The following CHRNA4 variants were observed in gnomAD, a reference collection of about 807,000 sequenced individuals.
CHRNA4 encodes neuronal acetylcholine receptor subunit alpha-4.
Under a neutral mutation model 48.9 loss-of-function variants are expected in CHRNA4, and 28 were observed. The observed-to-expected ratio is 0.57, with a 90% CI of 0.42 to 0.79. The LOEUF is 0.79. Among genes scored for constraint, CHRNA4 ranks in the 30% least tolerant of loss-of-function variants. The probability of loss-of-function intolerance (pLI) is 0.00; values close to 1 mark genes in which losing one functional copy is unlikely to be tolerated. For missense variants in CHRNA4, 859 were observed against 898.4 expected, an observed-to-expected ratio of 0.96 and a Z score of 0.56; for synonymous variants, 425 against 402.3, an observed-to-expected ratio of 1.06 and a Z score of -0.68.
At chr20:63,358,232 C>T (rs2068748948) in intron 2 of CHRNA4, among the ~76,000 whole-genome samples, 1 of 152,190 alleles carries the variant, frequency 6.6e-6, no homozygotes, top group Non-Finnish European at 1.5e-5. Flanking sequence ...CATGCGCTGC[C>T]CTGCATGGGC....
chr20:63,350,537 T>A lies in CHRNA4; in HGVS notation c.874A>T (p.Ile292Phe). The A allele has an allele frequency of 6.2e-7, 1 of 1,613,498 alleles. No homozygotes were observed. Among genetic ancestry groups the A allele is most frequent in the Non-Finnish European group, 8.5e-7 (1 of 1,179,882 alleles). Residue 292 changes from isoleucine to phenylalanine, a missense_variant, in exon 5 of 6, where the codon ATC becomes TTC. Physicochemically the swap from Ile to Phe is conservative, Grantham distance 21. This residue lies in a region of CHRNA4 where 39 missense variants were observed against 77.7 expected (regional missense o/e 0.50). Coordinates refer to ENST00000370263, the MANE Select transcript of CHRNA4 (RefSeq NM_000744.7). ...LLSLTVFLLL[I>F]TEIIPSTSLV... ...GAGGTGGACGGGATGATCTCGGTGATGAGCAGCAGGAAGACGGTGAGCGAC... is the reference window on the plus strand; with the variant it reads ...GAGGTGGACGGGATGATCTCGGTGAAGAGCAGCAGGAAGACGGTGAGCGAC...
At chr20:63,348,942 G>C (rs991879764) in intron 5 of CHRNA4, among the ~76,000 whole-genome samples, 1 of 152,368 alleles carries the variant, frequency 6.6e-6, no homozygotes, top group African/African-American at 2.4e-5. Context: ...GGACATGGCT[G>C]CCACTTAGCA....
rs865960119 is a variant in CHRNA4, at chr20:63,343,229, C to A, written c.*3509G>T. ...ATGCAAAGCACGGCACACGTGGTGA[C>A]GGTGCGTTTTATTCATTGAAGTCTG... On this transcript the variant is annotated 3_prime_UTR_variant, in exon 6 of 6. Transcript: ENST00000370263. 2.6e-6 allele frequency: 1 copy of A among 388,492 alleles called. No individual in the cohort carries two copies. Among genetic ancestry groups the A allele is most frequent in the Non-Finnish European group, 5.2e-6 (1 of 191,790 alleles). 24.1% of individuals were successfully genotyped at this position (388,492 alleles called of 1,614,324 possible). A position where few individuals can be genotyped will look rare whatever the true frequency, so the allele number is the denominator to read the frequency against.
rs200012498 is a variant in CHRNA4, at chr20:63,346,383, C to G, written c.*355G>C. 6.7e-5 allele frequency: 33 copies of G among 492,422 alleles called. No homozygotes were observed. The highest frequency in any genetic ancestry group is 7.9e-6 in the Non-Finnish European group (2 of 252,280). 30.5% of individuals were successfully genotyped at this position (492,422 alleles called of 1,614,324 possible). A position where few individuals can be genotyped will look rare whatever the true frequency, so the allele number is the denominator to read the frequency against. On this transcript the variant is annotated 3_prime_UTR_variant, in exon 6 of 6. Transcript: ENST00000370263. ...GGCCCCTTGGGGCGGTCGGGACCATCACCAGATCTGCTGAGAGACTGGGAG... is the reference window on the plus strand; with the variant it reads ...GGCCCCTTGGGGCGGTCGGGACCATGACCAGATCTGCTGAGAGACTGGGAG...
chr20:63,348,488 G>A (rs964642856), intron 5 of CHRNA4, among the ~76,000 whole-genome samples: 11 of 152,216 alleles, frequency 7.2e-5, no homozygotes, highest in Non-Finnish European at 1.2e-4. Flanking sequence ...CGGGCCCCTC[G>A]CTTTGGGGCT....
intron 5 of CHRNA4, among the ~76,000 whole-genome samples, chr20:63,348,484 C>T (rs1177435709): frequency 1.3e-5 from 2 of 152,244 alleles, no homozygotes; most frequent in Non-Finnish European, 2.9e-5. Context: ...AGCACGGGCC[C>T]CTCGCTTTGG....
Position 63,345,095 on chromosome 20 carries a change from G to A in CHRNA4, c.*1643C>T, listed in dbSNP as rs1038992333. The A allele has an allele frequency of 1.3e-5, 6 of 453,936 alleles. No individual in the cohort carries two copies. Among genetic ancestry groups the A allele is most frequent in the African/African-American group, 4.0e-5 (2 of 49,994 alleles). 28.1% of individuals were successfully genotyped at this position (453,936 alleles called of 1,614,324 possible). A position where few individuals can be genotyped will look rare whatever the true frequency, so the allele number is the denominator to read the frequency against. On this transcript the variant is annotated 3_prime_UTR_variant, in exon 6 of 6. Coordinates refer to ENST00000370263, the MANE Select transcript of CHRNA4 (RefSeq NM_000744.7). This position sits in a 1 kb window ranked among gnomAD's most constrained non-coding sequence, Gnocchi z 5.4. ...CCTCCCCACTCACGTCACTGCCCGC[G>A]GGGACACAGCGGCATTTCTGGGGCA... is the stretch of plus-strand genomic sequence containing the variant.
At chr20:63,359,905 G>GTGTGTGCCGGGCGTGCGC (rs2068785596) in intron 1 of CHRNA4, 28 of 341,242 alleles carry the variant, frequency 8.2e-5, no homozygotes, top group East Asian at 2.3e-4. Flanking sequence ...TGCTGTGTGT[G>GTGTGTGCCGGGCGTGCGC]TGTGTGTGTG....
At chr20:63,347,046 G>C (rs914220324) in intron 5 of CHRNA4, 183 bp from the exon 6 acceptor site, 1 of 820,072 alleles carries the variant, frequency 1.2e-6, no homozygotes, top group East Asian at 2.7e-5. Context: ...GCACGGGACA[G>C]CCAGTGCTCT....
chr20:63,344,721 C>T lies in CHRNA4; in HGVS notation c.*2017G>A, dbSNP rs147438386. 28 of 454,134 alleles carry T rather than the reference C, an allele frequency of 6.2e-5. No homozygotes were observed. The highest frequency in any genetic ancestry group is 1.1e-4 in the Non-Finnish European group (24 of 226,798). The allele number at this position is 454,134 out of a possible 1,614,324, so 28.1% of individuals were successfully genotyped here. ...TCGGGCTTCTTACATCTGAAATCTGCGTCTCTATCCCTCCTCTGAGACCAG... is the reference window on the plus strand; with the variant it reads ...TCGGGCTTCTTACATCTGAAATCTGTGTCTCTATCCCTCCTCTGAGACCAG... On this transcript the variant is annotated 3_prime_UTR_variant, in exon 6 of 6. Transcript: ENST00000370263. This position sits in a 1 kb window ranked among gnomAD's most constrained non-coding sequence, Gnocchi z 4.5.
chr20:63,350,227 G>C lies in CHRNA4; in HGVS notation c.1184C>G (p.Thr395Arg). 1 of 1,608,048 alleles carries C rather than the reference G, an allele frequency of 6.2e-7. No homozygotes were observed. Among genetic ancestry groups the C allele is most frequent in the Non-Finnish European group, 8.5e-7 (1 of 1,177,554 alleles). Residue 395 changes from threonine (T) to arginine (R), a missense_variant, in exon 5 of 6, where the codon ACG (threonine) becomes AGG (arginine). By Grantham distance (71) the Thr-to-Arg change is moderately conservative. Coordinates refer to ENST00000370263, the MANE Select transcript of CHRNA4 (RefSeq NM_000744.7). ...WPEPEGEPPA[T>R]SGTQSLHPPS... ...CGGGTGCAGGCTCTGGGTGCCGCTCGTGGCAGGGGGCTCCCCTTCTGGCTC... is the reference window on the plus strand; with the variant it reads ...CGGGTGCAGGCTCTGGGTGCCGCTCCTGGCAGGGGGCTCCCCTTCTGGCTC...
Position 63,361,304 on chromosome 20 carries a change from GGGCGCGGTGC to G in CHRNA4, c.-149_-140del. 1.6e-6 allele frequency: 2 copies of G among 1,267,514 alleles called. No individual in the cohort carries two copies. The highest frequency in any genetic ancestry group is 2.0e-6 in the Non-Finnish European group (2 of 1,007,622). 78.5% of individuals were successfully genotyped at this position (1,267,514 alleles called of 1,614,324 possible). On this transcript the variant is annotated 5_prime_UTR_variant, in exon 1 of 6. Coordinates refer to ENST00000370263, the MANE Select transcript of CHRNA4 (RefSeq NM_000744.7). ...CGGGCCCGGTTCGTCTTCTCCTGTG[GGGCGCGGTGC>G]GGCGGCGGCGCGGCAGGGAGCGCCG...
chr20:63,355,230 A>T (rs2068699372), intron 4 of CHRNA4: 3 of 335,354 alleles, frequency 8.9e-6, no homozygotes, highest in Non-Finnish European at 1.8e-5. Flanking sequence ...GATCTGCAGG[A>T]AGGACAAGTT....
rs2068717942 is a variant in CHRNA4 at position 63,356,273 on chromosome 20, T to TG, written c.273+97dup. On this transcript the variant is annotated intron_variant, in intron 3 of 5. Coordinates refer to ENST00000370263, the MANE Select transcript of CHRNA4 (RefSeq NM_000744.7). The stretch of plus-strand genomic sequence containing the variant: ...TGAGGGGTGTGAGGGAGGGCAGGGG[T>TG]GGGGCAGGGCCAGGGTGGGGCAGGG... 19 of 399,546 alleles carry TG rather than the reference T, an allele frequency of 4.8e-5. No homozygotes were observed. In the South Asian group the frequency reaches 5.1e-4, roughly 11 times the overall value. 24.8% of individuals were successfully genotyped at this position (399,546 alleles called of 1,614,324 possible). A position where few individuals can be genotyped will look rare whatever the true frequency, so the allele number is the denominator to read the frequency against.
chr20:63,355,866 C>G, intron 4 of CHRNA4, 109 bp downstream of exon 4: 4 of 1,474,396 alleles, frequency 2.7e-6, no homozygotes, highest in Admixed American at 3.9e-5. Context: ...ATAGGCCCCG[C>G]TGGGCCAGGC....
At chr20:63,349,353 A>G (rs921265930) in intron 5 of CHRNA4, among the ~76,000 whole-genome samples, 4 of 152,122 alleles carry the variant, frequency 2.6e-5, no homozygotes, top group African/African-American at 9.7e-5. Flanking sequence ...TGCTGGAAGG[A>G]CGCTGCCTGT....
At position 63,361,134 on chromosome 20, in the gene CHRNA4, A is replaced by G; in HGVS notation, c.32T>C (p.Leu11Pro). ...CAGAAGCAGCAGCAGCGGCGGCAGCAGCCGCGGCGCTCCGGGGCCCCCTAG... is the reference window on the plus strand; with the variant it reads ...CAGAAGCAGCAGCAGCGGCGGCAGCGGCCGCGGCGCTCCGGGGCCCCCTAG... MELGGPGAPR[L>P]LPPLLLLLGT... is the part of the protein sequence containing the mutation. Residue 11 changes from leucine (L) to proline (P), a missense_variant, in exon 1 of 6, where the codon CTG becomes CCG. Physicochemically the swap from Leu to Pro is moderately conservative, Grantham distance 98. This residue lies in a region of CHRNA4 where 342 missense variants were observed against 365.3 expected (regional missense o/e 0.94). Coordinates refer to ENST00000370263, the MANE Select transcript of CHRNA4 (RefSeq NM_000744.7). 1 of 1,477,662 alleles carries G rather than the reference A, an allele frequency of 6.8e-7. No individual in the cohort carries two copies. Among genetic ancestry groups the G allele is most frequent in the Non-Finnish European group, 8.9e-7 (1 of 1,120,130 alleles). 91.5% of individuals were successfully genotyped at this position (1,477,662 alleles called of 1,614,324 possible).
rs55915440 is a variant in CHRNA4, at chr20:63,350,059, G to T, written c.1352C>A (p.Pro451Gln). 6.6e-7 allele frequency: 1 copy of T among 1,512,456 alleles called. No homozygotes were observed. The highest frequency in any genetic ancestry group is 2.4e-5 in the East Asian group (1 of 42,308). 93.7% of individuals were successfully genotyped at this position (1,512,456 alleles called of 1,614,324 possible). Residue 451 changes from proline to glutamine, a missense_variant, in exon 5 of 6, where the codon CCG becomes CAG. This residue lies in a region of CHRNA4 where 478 missense variants were observed against 455.4 expected (regional missense o/e 1.05). Transcript: ENST00000370263. The stretch of plus-strand genomic sequence containing the variant: ...CCCTGGTGCCTGGGTGCCGTGGGGC[G>T]GGCGGCAGGGTCCAGGCGAGGGGTG... ...SPHPSPGPCRPPHGTQAPGLA... is the reference protein window; with the variant it reads ...SPHPSPGPCRQPHGTQAPGLA...
intron 2 of CHRNA4, 196 bp from the exon 3 acceptor site, chr20:63,356,611 A>T (rs2068722828): frequency 6.3e-6 from 4 of 632,328 alleles, no homozygotes; most frequent in Non-Finnish European, 1.1e-5. Flanking sequence ...GGACCTAGGG[A>T]TGTGGGGACA....
Sources: gnomAD v4.1 joint callset for allele counts (sites outside exome capture counted in the v4.1 genomes callset) on GRCh38, gnomAD v4.1.1 for gene constraint, gnomAD v4.1.1 regional missense constraint, Gnocchi (gnomAD v3.1) non-coding constraint, MANE v1.5 for transcripts, NCBI Gene and HGNC (gene_info 2026-07-23, HGNC 2026-07-21) for gene names.